Variants in KCND2 observed in about 807,000 individuals in gnomAD.
The protein encoded by KCND2 is potassium voltage-gated channel subfamily D member 2.
Under a neutral mutation model 54.4 loss-of-function variants are expected in KCND2, and 16 were observed. That is an observed-to-expected ratio of 0.29 (90% CI 0.20 to 0.45). The LOEUF (loss-of-function observed/expected upper bound fraction) is 0.45, where lower values mean the gene tolerates loss of function less well. KCND2 is among the 20% of genes least tolerant of loss of function. The probability of loss-of-function intolerance (pLI) is 1.00; values close to 1 mark genes in which losing one functional copy is unlikely to be tolerated. For missense variants in KCND2, 486 were observed against 824.2 expected, an observed-to-expected ratio of 0.59 and a Z score of 5.02; for synonymous variants, 317 against 310.7, an observed-to-expected ratio of 1.02 and a Z score of -0.21.
intron 1 of KCND2, among the ~76,000 whole-genome samples, chr7:120,355,024 T>C (rs1800478492): frequency 6.6e-6 from 1 of 152,170 alleles, no homozygotes; most frequent in African/African-American, 2.4e-5. Flanking sequence ...ATTATATCTG[T>C]CCAGACTATG....
intron 1 of KCND2, among the ~76,000 whole-genome samples, chr7:120,367,332 A>C (rs1446837229): frequency 6.6e-6 from 1 of 152,126 alleles, no homozygotes; most frequent in Non-Finnish European, 1.5e-5. Context: ...TTGTGTTCTG[A>C]GAAAAAGTAA....
chr7:120,343,764 G>A (rs929106310), intron 1 of KCND2, among the ~76,000 whole-genome samples: 8 of 152,118 alleles, frequency 5.3e-5, no homozygotes, highest in Admixed American at 1.3e-4. Flanking sequence ...TCTACAGTTC[G>A]AATTTTTTAT....
intron 1 of KCND2, among the ~76,000 whole-genome samples, chr7:120,451,592 T>C (rs1176333114): frequency 1.3e-5 from 2 of 152,218 alleles, no homozygotes; most frequent in East Asian, 3.8e-4. Context: ...TCCTAAGTAA[T>C]GACTACGGTT....
intron 1 of KCND2, among the ~76,000 whole-genome samples, chr7:120,353,449 G>C (rs2116388465): frequency 6.6e-6 from 1 of 152,198 alleles, no homozygotes; most frequent in Admixed American, 6.5e-5. Context: ...ATTGTACTGA[G>C]TGACTAATTA....
chr7:120,690,535 G>T (rs1291917767), intron 1 of KCND2, among the ~76,000 whole-genome samples: 2 of 152,164 alleles, frequency 1.3e-5, no homozygotes, highest in Non-Finnish European at 2.9e-5. Flanking sequence ...GACATACCCT[G>T]TTTGCATCAC....
intron 1 of KCND2, among the ~76,000 whole-genome samples, chr7:120,614,625 A>G (rs956343770): frequency 1.3e-5 from 2 of 152,250 alleles, no homozygotes; most frequent in Non-Finnish European, 2.9e-5. Context: ...TTAAAATGCA[A>G]TAAGCATTGG....
At chr7:120,688,233 G>A (rs183390302) in intron 1 of KCND2, among the ~76,000 whole-genome samples, 1 of 152,244 alleles carries the variant, frequency 6.6e-6, no homozygotes, top group East Asian at 1.9e-4. Context: ...AACTTTTTCT[G>A]TTAAGTACCA....
At chr7:120,743,365 T>C (rs909899990) in intron 4 of KCND2, among the ~76,000 whole-genome samples, 6 of 152,196 alleles carry the variant, frequency 3.9e-5, no homozygotes, top group Non-Finnish European at 8.8e-5. Context: ...TATTTACCAA[T>C]AGAGTCATTC....
chr7:120,719,269 C>T (rs1792639657), intron 1 of KCND2, among the ~76,000 whole-genome samples: 1 of 152,124 alleles, frequency 6.6e-6, no homozygotes, highest in Non-Finnish European at 1.5e-5. Context: ...GAATGTACTT[C>T]TGCTGTTTCA....
intron 1 of KCND2, among the ~76,000 whole-genome samples, chr7:120,668,851 A>C (rs532006595): frequency 4.2e-4 from 64 of 152,162 alleles, no homozygotes; most frequent in Non-Finnish European, 4.6e-4. Context: ...AGAGCTACCA[A>C]ATCATTTCAT....
At chr7:120,389,031 A>G (rs1774746921) in intron 1 of KCND2, among the ~76,000 whole-genome samples, 2 of 151,786 alleles carry the variant, frequency 1.3e-5, no homozygotes, top group Admixed American at 1.3e-4. Context: ...GTCTAAGACT[A>G]TAGAGAAAAG....
At chr7:120,642,565 AAAAT>A (rs1399334143) in intron 1 of KCND2, among the ~76,000 whole-genome samples, 1 of 119,752 alleles carries the variant, frequency 8.4e-6, no homozygotes, top group Non-Finnish European at 1.6e-5. Flanking sequence ...ATAAAAATAA[AAAAT>A]AAAAAAAAAT....
intron 1 of KCND2, among the ~76,000 whole-genome samples, chr7:120,424,910 T>G (rs1205200440): frequency 2.0e-5 from 3 of 152,232 alleles, no homozygotes; most frequent in Non-Finnish European, 2.9e-5. Context: ...TTTCATGCAA[T>G]GCAGATTTTG....
intron 1 of KCND2, among the ~76,000 whole-genome samples, chr7:120,479,088 A>T (rs1220802800): frequency 6.6e-6 from 1 of 152,150 alleles, no homozygotes; most frequent in Non-Finnish European, 1.5e-5. Context: ...ACTTGACTAC[A>T]GGCAATATCA....
intron 2 of KCND2, among the ~76,000 whole-genome samples, chr7:120,736,435 G>A (rs1490172534): frequency 6.6e-6 from 1 of 151,910 alleles, no homozygotes; most frequent in East Asian, 1.9e-4. Context: ...TAGATTTATT[G>A]ATTCTCGTAG....
At chr7:120,428,609 G>A (rs1022429079) in intron 1 of KCND2, among the ~76,000 whole-genome samples, 11 of 152,130 alleles carry the variant, frequency 7.2e-5, no homozygotes, top group Admixed American at 1.3e-4. Context: ...AGATTACAAA[G>A]CTTTAACTTA....
chr7:120,579,390 G>C (rs960648744), intron 1 of KCND2, among the ~76,000 whole-genome samples: 1 of 151,860 alleles, frequency 6.6e-6, no homozygotes, highest in African/African-American at 2.4e-5. Context: ...GGATCATGAG[G>C]TCAGGAGATC....
chr7:120,615,292 C>T (rs1192311859), intron 1 of KCND2, among the ~76,000 whole-genome samples: 1 of 152,148 alleles, frequency 6.6e-6, no homozygotes, highest in African/African-American at 2.4e-5. Flanking sequence ...TCTACCAGAA[C>T]CTGGCTTCAA....
chr7:120,499,842 T>C (rs1236056839), intron 1 of KCND2, among the ~76,000 whole-genome samples: 2 of 152,164 alleles, frequency 1.3e-5, no homozygotes, highest in Non-Finnish European at 2.9e-5. Flanking sequence ...TTTTTTGTTA[T>C]AGTACTTTTA....
Sources: gnomAD v4.1 joint callset for allele counts (sites outside exome capture counted in the v4.1 genomes callset) on GRCh38, gnomAD v4.1.1 for gene constraint, MANE v1.5 for transcripts, NCBI Gene and HGNC (gene_info 2026-07-23, HGNC 2026-07-21) for gene names.